The following FGF14 variants were observed in gnomAD, a reference collection of about 807,000 sequenced individuals.
FGF14 encodes the protein fibroblast growth factor homologous factor 4.
In FGF14, 5 loss-of-function variants were observed where a neutral mutation model predicts 25.5. That is an observed-to-expected ratio of 0.20 (90% CI 0.10 to 0.41). The LOEUF is 0.41. Among genes scored for constraint, FGF14 ranks in the 10% least tolerant of loss-of-function variants. The pLI, the probability that FGF14 is intolerant of heterozygous loss-of-function variation, is 1.00. For missense variants in FGF14, 222 were observed against 320.1 expected (o/e 0.69, Z 2.34); for synonymous variants, 138 against 118.3 (o/e 1.17, Z -1.08).
At position 101,840,472 on chromosome 13, in the gene FGF14, T is replaced by C. The variant is rs186953345; in HGVS notation, c.408+28253A>G. 1.7e-4 allele frequency among the ~76,000 whole-genome samples: 26 copies of C among 151,222 alleles called. No homozygotes were observed. In the South Asian group the frequency reaches 3.9e-3, roughly 23 times the overall value. On this transcript the variant is annotated intron_variant, in intron 3 of 4. Transcript: ENST00000376143. Reference sequence around the variant, plus strand: ...ATACAATAACTCTTATTCACTAATATAATTATTAATATATAATTTATAGAA... The same window carrying C: ...ATACAATAACTCTTATTCACTAATACAATTATTAATATATAATTTATAGAA...
intron 3 of FGF14, among the ~76,000 whole-genome samples, chr13:101,825,626 C>T (rs2042360631): frequency 6.6e-6 from 1 of 152,020 alleles, no homozygotes; most frequent in African/African-American, 2.4e-5. Context: ...AGCATGCATA[C>T]TGAATCAGAT....
rs1486418034 is a variant in FGF14 at position 101,712,162 on chromosome 13, C to T, written c.*10669G>A. ...ACTATGTGCTATCTAGTTCTAGTTT[C>T]ACAAGCAGTAGAATAATTTCCTACC... On this transcript the variant is annotated 3_prime_UTR_variant, in exon 5 of 5. Coordinates refer to ENST00000376143, the MANE Select transcript of FGF14 (RefSeq NM_004115.4). The T allele has an allele frequency of 1.3e-5, 2 of 152,154 alleles. No homozygotes were observed. Among genetic ancestry groups the T allele is most frequent in the East Asian group, 1.9e-4 (1 of 5,198 alleles). The allele number at this position is 152,154 out of a possible 1,614,324, so 9.4% of individuals were successfully genotyped here. A position where few individuals can be genotyped will look rare whatever the true frequency, so the allele number is the denominator to read the frequency against.
At chr13:101,836,328 G>A (rs1163036604) in intron 3 of FGF14, among the ~76,000 whole-genome samples, 1 of 151,982 alleles carries the variant, frequency 6.6e-6, no homozygotes, top group Admixed American at 6.6e-5. Context: ...GTTATTACAG[G>A]TTTCTCAGCA....
At chr13:101,973,737 T>G (rs751451372) in intron 1 of FGF14, among the ~76,000 whole-genome samples, 4 of 152,160 alleles carry the variant, frequency 2.6e-5, no homozygotes, top group South Asian at 2.1e-4. Context: ...CCCTCCCAGA[T>G]TAAGGGTGGG....
At chr13:101,841,616 G>A (rs901304616) in intron 3 of FGF14, among the ~76,000 whole-genome samples, 1 of 151,998 alleles carries the variant, frequency 6.6e-6, no homozygotes, top group Non-Finnish European at 1.5e-5. Flanking sequence ...TTCAGAGGTA[G>A]AAAGCAGTTG....
chr13:102,197,895 A>G (rs917983640), intron 1 of FGF14, among the ~76,000 whole-genome samples: 5 of 152,250 alleles, frequency 3.3e-5, no homozygotes, highest in African/African-American at 1.2e-4. Context: ...TTGAGATGGC[A>G]TTAATCAATG....
At chr13:102,039,976 T>TAAA (rs5806264) in intron 1 of FGF14, among the ~76,000 whole-genome samples, 13 of 149,672 alleles carry the variant, frequency 8.7e-5, no homozygotes, top group Middle Eastern at 3.4e-3. Flanking sequence ...GTTTACATGT[T>TAAA]AAAAAAAAAA....
Position 101,726,653 on chromosome 13 carries a change from T to C in FGF14, c.566A>G (p.Lys189Arg). 6.2e-7 allele frequency: 1 copy of C among 1,613,542 alleles called. No homozygotes were observed. The highest frequency in any genetic ancestry group is 1.1e-5 in the South Asian group (1 of 91,066). Residue 189 changes from lysine (K) to arginine (R), a missense_variant, in exon 4 of 5, where the codon AAA (lysine) becomes AGA (arginine). Physicochemically the swap from Lys to Arg is conservative, Grantham distance 26. This residue lies in a region of FGF14 where 66 missense variants were observed against 90.3 expected (regional missense o/e 0.73). Coordinates refer to ENST00000376143, the MANE Select transcript of FGF14 (RefSeq NM_004115.4). ...TAGAAAATGAGCTGCTGGTTTGGTTTTCTTTACTCTGTTCCCTTTCATAGC... is the reference window on the plus strand; with the variant it reads ...TAGAAAATGAGCTGCTGGTTTGGTTCTCTTTACTCTGTTCCCTTTCATAGC... ...GQAMKGNRVK[K>R]TKPAAHFLPK...
chr13:101,972,339 C>A (rs974491623), intron 1 of FGF14, among the ~76,000 whole-genome samples: 4 of 152,162 alleles, frequency 2.6e-5, no homozygotes, highest in Middle Eastern at 3.2e-3. Flanking sequence ...AAGCAGCCAA[C>A]TGAAAACATT....
At chr13:102,093,742 G>A (rs2044269735) in intron 1 of FGF14, among the ~76,000 whole-genome samples, 1 of 150,762 alleles carries the variant, frequency 6.6e-6, no homozygotes, top group African/African-American at 2.4e-5. Context: ...TGCTTGGTAT[G>A]TATTACAGAT....
At chr13:101,890,324 G>A (rs959449491) in intron 1 of FGF14, among the ~76,000 whole-genome samples, 2 of 151,976 alleles carry the variant, frequency 1.3e-5, no homozygotes, top group Non-Finnish European at 2.9e-5. Flanking sequence ...TAAGTGAAAA[G>A]CATTTCCTGT....
chr13:102,161,611 AAG>A (rs1200910493), intron 1 of FGF14, among the ~76,000 whole-genome samples: 4 of 4,424 alleles, frequency 9.0e-4, no homozygotes, highest in South Asian at 0.019. Flanking sequence ...GAAGAAGAAG[AAG>A]AAGAAGAAGA....
At chr13:101,879,309 T>C (rs2045571538) in intron 1 of FGF14, among the ~76,000 whole-genome samples, 1 of 152,164 alleles carries the variant, frequency 6.6e-6, no homozygotes, top group African/African-American at 2.4e-5. Context: ...CAATGATCTG[T>C]GATATTAAAA....
chr13:102,253,563 T>C (rs2052298840), intron 1 of FGF14, among the ~76,000 whole-genome samples: 1 of 152,234 alleles, frequency 6.6e-6, no homozygotes, highest in Admixed American at 6.5e-5. Context: ...ATTCTGGATA[T>C]TAGCACTCTG....
intron 1 of FGF14, among the ~76,000 whole-genome samples, chr13:102,098,864 T>C (rs1478753209): frequency 1.3e-5 from 2 of 152,240 alleles, no homozygotes; most frequent in Admixed American, 1.3e-4. Flanking sequence ...ATATTAAACT[T>C]AGACTTCAAA....
Position 101,717,920 on chromosome 13 carries a change from G to A in FGF14, c.*4911C>T, listed in dbSNP as rs1015845764. On this transcript the variant is annotated 3_prime_UTR_variant, in exon 5 of 5. Coordinates refer to ENST00000376143, the MANE Select transcript of FGF14 (RefSeq NM_004115.4). The stretch of plus-strand genomic sequence containing the variant: ...ATTAACAACAACAACTACAACAAAA[G>A]TGCTGCTCTTTTTCATAGTCTCATG... The A allele has an allele frequency of 1.3e-5, 2 of 152,078 alleles. No homozygotes were observed. The highest frequency in any genetic ancestry group is 2.9e-5 in the Non-Finnish European group (2 of 68,002). The allele number at this position is 152,078 out of a possible 1,614,324, so 9.4% of individuals were successfully genotyped here. A position where few individuals can be genotyped will look rare whatever the true frequency, so the allele number is the denominator to read the frequency against.
chr13:101,864,737 G>A (rs1163050889), intron 3 of FGF14, among the ~76,000 whole-genome samples: 4 of 152,050 alleles, frequency 2.6e-5, no homozygotes, highest in African/African-American at 9.7e-5. Context: ...TGGCACTTAC[G>A]ACCGCGAAGA....
chr13:102,344,963 C>T (rs1051445721), intron 1 of FGF14, among the ~76,000 whole-genome samples: 3 of 152,178 alleles, frequency 2.0e-5, no homozygotes, highest in African/African-American at 7.2e-5. Context: ...GGCCTGGAAC[C>T]TGGATGTTCT....
At chr13:102,210,752 G>A (rs2050122867) in intron 1 of FGF14, among the ~76,000 whole-genome samples, 1 of 152,048 alleles carries the variant, frequency 6.6e-6, no homozygotes, top group Admixed American at 6.6e-5. Context: ...CACAGTAAAG[G>A]AACAAAAACT....
Sources: allele counts gnomAD v4.1 joint callset (sites outside exome capture counted in the v4.1 genomes callset), GRCh38; gene constraint gnomAD v4.1.1; regional missense constraint gnomAD v4.1.1; transcripts MANE v1.5; gene names NCBI Gene and HGNC (gene_info 2026-07-23, HGNC 2026-07-21).